The following ADGRB3 variants were observed in gnomAD, a reference collection of about 807,000 sequenced individuals.
ADGRB3 encodes the protein brain-specific angiogenesis inhibitor 3.
In ADGRB3, 37 loss-of-function variants were observed where a neutral mutation model predicts 193.4. That is an observed-to-expected ratio of 0.19 (90% CI 0.15 to 0.25). ADGRB3 has a LOEUF of 0.25. Ranked by LOEUF, ADGRB3 falls within the 10% of genes least tolerant of loss-of-function variation. The pLI, the probability that ADGRB3 is intolerant of heterozygous loss-of-function variation, is 1.00. For synonymous variants in ADGRB3, 690 were observed against 644.2 expected, an observed-to-expected ratio of 1.07 and a Z score of -1.08; for missense variants, 1,637 against 1,852.9, an observed-to-expected ratio of 0.88 and a Z score of 2.14.
Position 69,255,826 on chromosome 6 carries a change from A to T in ADGRB3, c.2814+16600A>T, listed in dbSNP as rs1766755247. Among the ~76,000 whole-genome samples the T allele has an allele frequency of 2.0e-5, 3 of 152,168 alleles. No homozygotes were observed. In the South Asian group the frequency reaches 6.2e-4, roughly 32 times the overall value. On this transcript the variant is annotated intron_variant, in intron 20 of 31. Coordinates refer to ENST00000370598, the MANE Select transcript of ADGRB3 (RefSeq NM_001704.3). ...GCCTAGGTTTTCTTCTAAGGTTTTT[A>T]TGGTTTTAGGTCTAATGTTTAAGTC...
At chr6:68,674,821 AAG>A (rs1381231972) in intron 3 of ADGRB3, among the ~76,000 whole-genome samples, 39 of 152,350 alleles carry the variant, frequency 2.6e-4, no homozygotes, top group African/African-American at 8.9e-4. Context: ...AGTTAAGTAA[AAG>A]AGGCAAAATT....
At chr6:69,201,284 C>G (rs1358348350) in intron 17 of ADGRB3, among the ~76,000 whole-genome samples, 1 of 152,116 alleles carries the variant, frequency 6.6e-6, no homozygotes, top group Non-Finnish European at 1.5e-5. Flanking sequence ...TGCCTCCCCT[C>G]TCTCCCCACC....
chr6:68,900,006 C>A (rs368938201), intron 3 of ADGRB3, among the ~76,000 whole-genome samples: 4 of 151,914 alleles, frequency 2.6e-5, no homozygotes, highest in East Asian at 3.9e-4. Context: ...TTACATTTTA[C>A]CTTGAGGGTA....
At chr6:68,712,549 A>G (rs1311218126) in intron 3 of ADGRB3, among the ~76,000 whole-genome samples, 2 of 151,988 alleles carry the variant, frequency 1.3e-5, no homozygotes, top group East Asian at 1.9e-4. Context: ...AGAGGGTATG[A>G]AAAGATGTTT....
chr6:68,762,495 T>TAG (rs1043390988), intron 3 of ADGRB3, among the ~76,000 whole-genome samples: 3 of 151,652 alleles, frequency 2.0e-5, no homozygotes, highest in African/African-American at 7.3e-5. Flanking sequence ...AATATATATA[T>TAG]ATAGAGAGAG....
chr6:68,678,206 A>G (rs534189579), intron 3 of ADGRB3, among the ~76,000 whole-genome samples: 1 of 152,298 alleles, frequency 6.6e-6, no homozygotes, highest in East Asian at 1.9e-4. Flanking sequence ...CTCTGTCTCA[A>G]ATAAATAAAT....
intron 17 of ADGRB3, among the ~76,000 whole-genome samples, chr6:69,225,213 A>G (rs1272885863): frequency 6.6e-6 from 1 of 152,140 alleles, no homozygotes; most frequent in African/African-American, 2.4e-5. Context: ...AATCTAATTT[A>G]TATCTGACCC....
intron 3 of ADGRB3, among the ~76,000 whole-genome samples, chr6:68,911,269 G>T (rs1766699430): frequency 7.8e-6 from 1 of 128,890 alleles, no homozygotes; most frequent in Admixed American, 8.4e-5. Context: ...GCCTGTTGTG[G>T]GGTGGGGGGA....
intron 20 of ADGRB3, among the ~76,000 whole-genome samples, chr6:69,320,777 T>C (rs1386781371): frequency 6.6e-6 from 1 of 151,338 alleles, no homozygotes; most frequent in South Asian, 2.1e-4. Flanking sequence ...CTCTTTATTC[T>C]CTGTTTTCAA....
intron 3 of ADGRB3, among the ~76,000 whole-genome samples, chr6:68,766,112 A>C (rs750324780): frequency 6.6e-5 from 10 of 151,872 alleles, no homozygotes; most frequent in Non-Finnish European, 1.3e-4. Flanking sequence ...AAAAGCAGTA[A>C]ATTATTTTGG....
intron 15 of ADGRB3, among the ~76,000 whole-genome samples, chr6:69,052,951 C>T (rs1172815301): frequency 5.3e-5 from 8 of 152,052 alleles, no homozygotes; most frequent in African/African-American, 1.4e-4. Context: ...TTTGGGAGGC[C>T]GAGGCGGGTG....
intron 17 of ADGRB3, among the ~76,000 whole-genome samples, chr6:69,088,273 A>G (rs1281464894): frequency 6.6e-6 from 1 of 152,178 alleles, no homozygotes; most frequent in Non-Finnish European, 1.5e-5. Context: ...GTCAAGTTTT[A>G]TGTATCAATA....
intron 8 of ADGRB3, among the ~76,000 whole-genome samples, chr6:68,968,769 G>C (rs867186209): frequency 2.0e-5 from 3 of 152,144 alleles, no homozygotes; most frequent in South Asian, 4.1e-4. Context: ...TTTAACATTT[G>C]TCCTAATTCT....
chr6:68,810,929 C>T (rs1298471134), intron 3 of ADGRB3, among the ~76,000 whole-genome samples: 1 of 152,036 alleles, frequency 6.6e-6, no homozygotes, highest in East Asian at 1.9e-4. Flanking sequence ...TTAGGAAATA[C>T]ATTTTTAAAT....
At position 69,048,310 on chromosome 6, in the gene ADGRB3, A is replaced by T; in HGVS notation, c.2233A>T (p.Ile745Phe). The change falls in exon 14 of 32, where the codon ATT becomes TTT. Residue 745 changes from isoleucine (I) to phenylalanine (F), a missense_variant. This residue lies in a region of ADGRB3 where 641 missense variants were observed against 673.9 expected (regional missense o/e 0.95). Coordinates refer to ENST00000370598, the MANE Select transcript of ADGRB3 (RefSeq NM_001704.3). ...SEDRVVIPKS[I>F]FTPVSSKELD... Reference sequence around the variant, plus strand: ...AGATAGGGTAGTAATTCCAAAAAGCATTTTCACTCCGGTGTCATCAAAAGG... The same window carrying T: ...AGATAGGGTAGTAATTCCAAAAAGCTTTTTCACTCCGGTGTCATCAAAAGG... The T allele has an allele frequency of 6.2e-7, 1 of 1,613,504 alleles. No homozygotes were observed. Among genetic ancestry groups the T allele is most frequent in the Non-Finnish European group, 8.5e-7 (1 of 1,179,674 alleles).
chr6:69,363,269 G>A (rs1477330775), intron 29 of ADGRB3, among the ~76,000 whole-genome samples: 2 of 151,882 alleles, frequency 1.3e-5, no homozygotes, highest in South Asian at 4.1e-4. Flanking sequence ...TGAAAAGGAA[G>A]GAAATTTGGA....
chr6:69,109,642 T>C (rs1415312640), intron 17 of ADGRB3, among the ~76,000 whole-genome samples: 1 of 152,056 alleles, frequency 6.6e-6, no homozygotes, highest in Non-Finnish European at 1.5e-5. Context: ...GAGTGAAAAG[T>C]TGAAATTCCT....
At chr6:69,008,257 A>ATTT (rs1769825288) in intron 11 of ADGRB3, among the ~76,000 whole-genome samples, 2 of 152,166 alleles carry the variant, frequency 1.3e-5, no homozygotes, top group Non-Finnish European at 2.9e-5. Flanking sequence ...CAACGAGGGA[A>ATTT]GTAACCCTCA....
chr6:68,703,918 C>G (rs187300640), intron 3 of ADGRB3, among the ~76,000 whole-genome samples: 1 of 152,048 alleles, frequency 6.6e-6, no homozygotes, highest in African/African-American at 2.4e-5. Context: ...CCACTGTGCC[C>G]GGCCATTAAA....
Sources: allele counts gnomAD v4.1 joint callset (sites outside exome capture counted in the v4.1 genomes callset), GRCh38; gene constraint gnomAD v4.1.1; regional missense constraint gnomAD v4.1.1; transcripts MANE v1.5; gene names NCBI Gene and HGNC (gene_info 2026-07-23, HGNC 2026-07-21).